COL18A1: variants seen among roughly 807,000 people sequenced by gnomAD.
COL18A1 encodes collagen alpha-1(XVIII) chain.
A neutral mutation model predicts 168.0 loss-of-function variants in COL18A1; 133 were observed. That is an observed-to-expected ratio of 0.79 (90% CI 0.69 to 0.91). COL18A1 has a LOEUF of 0.91. Among genes scored for constraint, COL18A1 ranks in the 40% least tolerant of loss-of-function variants. The pLI, the probability that COL18A1 is intolerant of heterozygous loss-of-function variation, is 0.00. For synonymous variants in COL18A1, 949 were observed against 809.0 expected, an observed-to-expected ratio of 1.17 and a Z score of -2.94; for missense variants, 2,126 against 1,925.4, an observed-to-expected ratio of 1.10 and a Z score of -1.95.
chr21:45,477,484 A>G lies in COL18A1; in HGVS notation c.1002A>G (p.Lys334=). Residue 334 remains lysine (K), a synonymous_variant, in exon 7 of 42, where the codon AAA becomes AAG. Coordinates refer to ENST00000651438, the MANE Select transcript of COL18A1 (RefSeq NM_001379500.1). Reference sequence around the variant, plus strand: ...TCCGGACCCCTGGGGGCCGCGTGAAAGAGGTAAGGCCACCTCCCTGTGCTC... The same window carrying G: ...TCCGGACCCCTGGGGGCCGCGTGAAGGAGGTAAGGCCACCTCCCTGTGCTC... ...GSVRTPGGRV[K]EGGLKGQKGE... The G allele has an allele frequency of 6.2e-7, 1 of 1,608,792 alleles. No homozygotes were observed. Among genetic ancestry groups the G allele is most frequent in the Non-Finnish European group, 8.5e-7 (1 of 1,177,694 alleles).
intron 16 of COL18A1, 55 bp downstream of exon 16, chr21:45,487,047 G>A: frequency 1.4e-6 from 2 of 1,450,590 alleles, no homozygotes; most frequent in Admixed American, 2.5e-5. Context: ...CGTTGCCCCA[G>A]CCCTACTACC....
intron 21 of COL18A1, among the ~76,000 whole-genome samples, 156 bp from the exon 22 acceptor site, chr21:45,491,069 C>A (rs1027222483): frequency 2.0e-5 from 3 of 152,170 alleles, no homozygotes; most frequent in Non-Finnish European, 4.4e-5. Flanking sequence ...TGGAGCCTGC[C>A]CTGCCTGGCA....
At position 45,465,496 on chromosome 21, in the gene COL18A1, T is replaced by C. The variant is rs150655686; in HGVS notation, c.107-2746T>C. ...TCACTGCGTAAGTGCTATGGTGTGA[T>C]GGAGTGATGATGGTGGCGCACTCTT... On this transcript the variant is annotated intron_variant, in intron 2 of 41. Coordinates refer to ENST00000651438, the MANE Select transcript of COL18A1 (RefSeq NM_001379500.1). Among the ~76,000 whole-genome samples, 1,301 of 152,318 alleles carry C rather than the reference T, an allele frequency of 8.5e-3. 18 individuals carry two copies. The highest frequency in any genetic ancestry group is 0.03 in the African/African-American group (1,243 of 41,554).
intron 2 of COL18A1, among the ~76,000 whole-genome samples, chr21:45,465,301 G>T (rs1345871525): frequency 3.9e-5 from 6 of 152,196 alleles, no homozygotes; most frequent in Non-Finnish European, 7.3e-5. Context: ...TGGAGAGATT[G>T]AATGTTGTAA....
intron 2 of COL18A1, among the ~76,000 whole-genome samples, chr21:45,454,484 C>T (rs967129469): frequency 3.9e-5 from 6 of 152,162 alleles, no homozygotes; most frequent in African/African-American, 1.4e-4. Flanking sequence ...TGGGGTGAAA[C>T]CTGGGTGTGT....
rs1055767557 is a variant in COL18A1 at position 45,492,549 on chromosome 21, C to T, written c.2172C>T (p.Ser724=). ...YVSEQDGSVL[S]VPGPEGRPGF... is the part of the protein sequence containing the mutation. ...CTCGTGGACAGGGATCCGTCCTGAG[C>T]GTGCCGGGACCTGAGGTATGTGCCT... The change falls in exon 23 of 42, where the codon AGC becomes AGT. Residue 724 remains serine, a synonymous_variant. Coordinates refer to ENST00000651438, the MANE Select transcript of COL18A1 (RefSeq NM_001379500.1). The T allele has an allele frequency of 1.7e-5, 28 of 1,613,266 alleles. No homozygotes were observed. The highest frequency in any genetic ancestry group is 2.2e-5 in the East Asian group (1 of 44,880).
intron 21 of COL18A1, among the ~76,000 whole-genome samples, 163 bp downstream of exon 21, chr21:45,491,034 G>T (rs1001565465): frequency 6.6e-6 from 1 of 152,180 alleles, no homozygotes; most frequent in Non-Finnish European, 1.5e-5. Flanking sequence ...GCTGGGGGCA[G>T]CGTGTGTGGC....
chr21:45,405,562 C>G (rs2033070484), intron 2 of COL18A1, 89 bp downstream of exon 2: 4 of 789,694 alleles, frequency 5.1e-6, no homozygotes, highest in Non-Finnish European at 6.7e-6. Context: ...CCCTCACCCC[C>G]GCCCCGGCCG....
chr21:45,466,582 G>A (rs1453576902), intron 2 of COL18A1, among the ~76,000 whole-genome samples: 1 of 152,228 alleles, frequency 6.6e-6, no homozygotes, highest in East Asian at 1.9e-4. Flanking sequence ...CTCGGGGAGT[G>A]GAGGCTGCGC....
At position 45,510,142 on chromosome 21, in the gene COL18A1, C is replaced by G. The variant is rs1367904073; in HGVS notation, c.3574C>G (p.Gln1192Glu). 2 of 1,599,338 alleles carry G rather than the reference C, an allele frequency of 1.3e-6. No homozygotes were observed. Among genetic ancestry groups the G allele is most frequent in the Middle Eastern group, 1.7e-4 (1 of 5,950 alleles). Residue 1192 changes from glutamine to glutamate, a missense_variant, in exon 40 of 42, where the codon CAG becomes GAG. Physicochemically the swap from Gln to Glu is conservative, Grantham distance 29 (BLOSUM62 2). Coordinates refer to ENST00000651438, the MANE Select transcript of COL18A1 (RefSeq NM_001379500.1). ...IRGADFQCFQ[Q>E]ARAVGLAGTF... Reference sequence around the variant, plus strand: ...CGGGGCCGACTTCCAGTGCTTCCAGCAGGCGCGGGCCGTGGGGCTGGCGGG... The same window carrying G: ...CGGGGCCGACTTCCAGTGCTTCCAGGAGGCGCGGGCCGTGGGGCTGGCGGG...
chr21:45,409,606 C>T (rs150974083), intron 2 of COL18A1, among the ~76,000 whole-genome samples: 10 of 152,328 alleles, frequency 6.6e-5, no homozygotes, highest in Non-Finnish European at 1.2e-4. Context: ...CAGAGCCCTG[C>T]ACCAGGCGGT....
intron 2 of COL18A1, among the ~76,000 whole-genome samples, chr21:45,451,337 T>G (rs1199057351): frequency 6.6e-6 from 1 of 152,204 alleles, no homozygotes; most frequent in Non-Finnish European, 1.5e-5. Flanking sequence ...GCTGTGATGA[T>G]GTGCAACCCA....
At chr21:45,506,138 G>C (rs952611620) in intron 37 of COL18A1, 172 bp downstream of exon 37, 1 of 1,047,506 alleles carries the variant, frequency 9.5e-7, no homozygotes, top group Admixed American at 2.2e-5. Context: ...TTTGTGAGCA[G>C]TTTTGGGTTT....
intron 21 of COL18A1, 140 bp downstream of exon 21, chr21:45,491,011 G>C: frequency 1.1e-6 from 1 of 937,544 alleles, no homozygotes; most frequent in East Asian, 2.6e-5. Context: ...AAGTTGACAG[G>C]GGTGGCTTTC....
intron 2 of COL18A1, among the ~76,000 whole-genome samples, chr21:45,465,448 G>A (rs1273175739): frequency 6.6e-6 from 1 of 152,202 alleles, no homozygotes; most frequent in African/African-American, 2.4e-5. Flanking sequence ...TTTCTTTGAT[G>A]CCAAGATGTC....
chr21:45,414,452 T>C (rs1347633830), intron 2 of COL18A1, among the ~76,000 whole-genome samples: 1 of 152,218 alleles, frequency 6.6e-6, no homozygotes, highest in Non-Finnish European at 1.5e-5. Context: ...CTGAGAATGT[T>C]GTGGGAGGTT....
chr21:45,510,298 G>A, intron 40 of COL18A1, 37 bp downstream of exon 40: 1 of 1,559,416 alleles, frequency 6.4e-7, no homozygotes, highest in Non-Finnish European at 8.7e-7. Flanking sequence ...GGGCTCCTCG[G>A]CCCCCACTTG....
chr21:45,471,341 C>T lies in COL18A1; in HGVS notation c.652-2554C>T, dbSNP rs578137376. On this transcript the variant is annotated intron_variant, in intron 3 of 41. Coordinates refer to ENST00000651438, the MANE Select transcript of COL18A1 (RefSeq NM_001379500.1). The surrounding 1 kb of genome is among the most constrained non-coding windows in gnomAD (Gnocchi z 4.4). Reference sequence around the variant, plus strand: ...CTTGTGTGGTAGAAAAGAAGACAGACTTGTTCAGCACAAGATTTTCTCAGA... The same window carrying T: ...CTTGTGTGGTAGAAAAGAAGACAGATTTGTTCAGCACAAGATTTTCTCAGA... Among the ~76,000 whole-genome samples the T allele has an allele frequency of 7.4e-4, 113 of 152,324 alleles. 1 individual carries two copies. Among genetic ancestry groups the T allele is most frequent in the Non-Finnish European group, 1.3e-3 (91 of 68,026 alleles).
rs759754517 is a variant in COL18A1 at position 45,512,335 on chromosome 21, G to T, written c.3957G>T (p.Ala1319=). The T allele has an allele frequency of 6.2e-7, 1 of 1,612,642 alleles. No homozygotes were observed. Among genetic ancestry groups the T allele is most frequent in the East Asian group, 2.2e-5 (1 of 44,862 alleles). ...LGGRLLGQSA[A]SCHHAYIVLC... is the part of the protein sequence containing the mutation. ...GCAGGCTCCTGGGGCAGAGTGCCGC[G>T]AGCTGCCATCACGCCTACATCGTGC... The change falls in exon 42 of 42, where the codon GCG becomes GCT. Residue 1319 remains alanine (A), a synonymous_variant. Transcript: ENST00000651438.
Sources: allele counts gnomAD v4.1 joint callset (sites outside exome capture counted in the v4.1 genomes callset), GRCh38; gene constraint gnomAD v4.1.1; non-coding constraint Gnocchi (gnomAD v3.1); transcripts MANE v1.5; gene names NCBI Gene and HGNC (gene_info 2026-07-23, HGNC 2026-07-21).